The following CHD1 variants were observed in gnomAD, a reference collection of about 807,000 sequenced individuals.
The protein encoded by CHD1 is ATP-dependent chromatin remodeler CHD1.
Under a neutral mutation model 224.2 loss-of-function variants are expected in CHD1, and 36 were observed. That is an observed-to-expected ratio of 0.16 (90% CI 0.12 to 0.21). CHD1 has a LOEUF of 0.21. CHD1 is among the 10% of genes least tolerant of loss of function. CHD1 has a pLI of 1.00. For synonymous variants in CHD1, 668 were observed against 658.3 expected, an observed-to-expected ratio of 1.01 and a Z score of -0.23; for missense variants, 1,378 against 1,994.8, an observed-to-expected ratio of 0.69 and a Z score of 5.89.
chr5:98,868,779 GT>G lies in CHD1; in HGVS notation c.4108-145del, dbSNP rs929667824. The G allele has an allele frequency of 1.2e-5, 10 of 835,612 alleles. No individual in the cohort carries two copies. In the African/African-American group the frequency reaches 1.4e-4, roughly 12 times the overall value. The allele number at this position is 835,612 out of a possible 1,614,324, so 51.8% of individuals were successfully genotyped here. On this transcript the variant is annotated intron_variant, in intron 30 of 35. Coordinates refer to ENST00000614616, the MANE Select transcript of CHD1 (RefSeq NM_001270.4). ...TGAATATCCTCATCTATTTTAATTT[GT>G]TTTTTTCCCCAATTTTATTTGGGGA... is the stretch of plus-strand genomic sequence containing the variant.
Position 98,888,207 on chromosome 5 carries a change from G to C in CHD1, c.2377C>G (p.Leu793Val), listed in dbSNP as rs1750779203. The C allele has an allele frequency of 2.5e-6, 4 of 1,609,920 alleles. No homozygotes were observed. The highest frequency in any genetic ancestry group is 3.4e-6 in the Non-Finnish European group (4 of 1,178,112). ...CTTAGGCGAATTAATAGCTTGTCAA[G>C]AAGAATCAATTTTCCGCTACTACGA... ...LIRSSGKLIL[L>V]DKLLIRLRER... The change falls in exon 17 of 36, where the codon CTT becomes GTT. Residue 793 changes from leucine to valine, a missense_variant. By Grantham distance (32) the Leu-to-Val change is conservative. This residue lies in a region of CHD1 where 58 missense variants were observed against 90.0 expected (regional missense o/e 0.64). Transcript: ENST00000614616.
intron 31 of CHD1, among the ~76,000 whole-genome samples, chr5:98,864,731 CCTCT>C (rs1231103931): frequency 6.6e-6 from 1 of 151,852 alleles, no homozygotes. Context: ...CTTTGAAGGA[CCTCT>C]CTTATTATAA....
intron 2 of CHD1, among the ~76,000 whole-genome samples, chr5:98,909,236 T>C (rs1353293159): frequency 6.6e-6 from 1 of 152,206 alleles, no homozygotes; most frequent in African/African-American, 2.4e-5. Context: ...CTCTTCTGCT[T>C]TCCAGATTTT....
chr5:98,914,003 C>T (rs1752590426), intron 2 of CHD1, among the ~76,000 whole-genome samples: 1 of 151,898 alleles, frequency 6.6e-6, no homozygotes, highest in Non-Finnish European at 1.5e-5. Flanking sequence ...TTTTGTTTGT[C>T]CTCTAGTAAA....
intron 35 of CHD1, among the ~76,000 whole-genome samples, 153 bp downstream of exon 35, chr5:98,858,027 T>C (rs1339973254): frequency 6.6e-6 from 1 of 152,118 alleles, no homozygotes. Context: ...TTAAAATATA[T>C]ACATTTTTCT....
Position 98,868,562 on chromosome 5 carries a change from G to A in CHD1, c.4181C>T (p.Thr1394Met), listed in dbSNP as rs571604064. 4 of 1,612,562 alleles carry A rather than the reference G, an allele frequency of 2.5e-6. No individual in the cohort carries two copies. Among genetic ancestry groups the A allele is most frequent in the Non-Finnish European group, 3.4e-6 (4 of 1,179,536 alleles). The change falls in exon 31 of 36, where the codon ACG becomes ATG. Residue 1394 changes from threonine (T) to methionine (M), a missense_variant. By Grantham distance (81) the Thr-to-Met change is moderately conservative (BLOSUM62 -1). This residue lies in a region of CHD1 where 105 missense variants were observed against 93.4 expected (regional missense o/e 1.12). Coordinates refer to ENST00000614616, the MANE Select transcript of CHD1 (RefSeq NM_001270.4). ...AATGGGAACTGGTTCACCACTTGCC[G>A]TGATATGAACTGGAGCATCTGACAC... ...SSVSDAPVHI[T>M]ASGEPVPISE...
chr5:98,897,085 A>T (rs1367907802), intron 11 of CHD1, 108 bp downstream of exon 11: 1 of 1,041,608 alleles, frequency 9.6e-7, no homozygotes, highest in Non-Finnish European at 1.4e-6. Flanking sequence ...ACTAGCATAT[A>T]AACTGCCAAA....
chr5:98,867,686 TA>T (rs1457830451), intron 31 of CHD1, among the ~76,000 whole-genome samples: 82 of 152,178 alleles, frequency 5.4e-4, no homozygotes, highest in African/African-American at 1.9e-3. Flanking sequence ...AAGTCTTTAT[TA>T]AAAAGTCTTT....
intron 26 of CHD1, among the ~76,000 whole-genome samples, chr5:98,872,789 T>C (rs1393262253): frequency 6.6e-6 from 1 of 152,160 alleles, no homozygotes; most frequent in Non-Finnish European, 1.5e-5. Flanking sequence ...TTACATAAGA[T>C]GGATCAATCT....
chr5:98,924,773 C>T (rs893307858), intron 2 of CHD1, among the ~76,000 whole-genome samples: 1 of 152,002 alleles, frequency 6.6e-6, no homozygotes, highest in Non-Finnish European at 1.5e-5. Context: ...GCCAGGAGTT[C>T]GAGACCAGCC....
chr5:98,917,585 G>C (rs543431929), intron 2 of CHD1, among the ~76,000 whole-genome samples: 2 of 152,274 alleles, frequency 1.3e-5, no homozygotes, highest in South Asian at 4.1e-4. Context: ...AACAACAGTG[G>C]AACTGAGAAA....
intron 18 of CHD1, among the ~76,000 whole-genome samples, chr5:98,884,096 C>T (rs1185050683): frequency 4.2e-5 from 6 of 144,476 alleles, no homozygotes; most frequent in African/African-American, 1.5e-4. Context: ...TTTTTTGAGA[C>T]GGAGTCTCGC....
chr5:98,867,036 T>G (rs925105189), intron 31 of CHD1, among the ~76,000 whole-genome samples: 2 of 152,178 alleles, frequency 1.3e-5, no homozygotes, highest in Non-Finnish European at 1.5e-5. Flanking sequence ...ATTCATTTAA[T>G]CTTCATACTT....
Position 98,893,615 on chromosome 5 carries a change from A to G in CHD1, c.1801-9T>C. On this transcript the variant is annotated splice_polypyrimidine_tract_variant and intron_variant, in intron 13 of 35. Transcript: ENST00000614616. ...AGACCTCCAAGGAATGCCTTAAAAT[A>G]ATAGAAAAACAGTATTTTGAGAGAA... is the stretch of plus-strand genomic sequence containing the variant. The G allele has an allele frequency of 6.5e-7, 1 of 1,534,150 alleles. No individual in the cohort carries two copies. The highest frequency in any genetic ancestry group is 8.8e-7 in the Non-Finnish European group (1 of 1,138,648).
chr5:98,904,663 T>C (rs1751934563), intron 3 of CHD1, among the ~76,000 whole-genome samples: 1 of 152,194 alleles, frequency 6.6e-6, no homozygotes, highest in Non-Finnish European at 1.5e-5. Context: ...CAGAAAACGT[T>C]TTATTTGCCT....
intron 16 of CHD1, 28 bp downstream of exon 16, chr5:98,889,048 C>A: frequency 2.7e-6 from 4 of 1,474,390 alleles, no homozygotes; most frequent in Admixed American, 1.9e-5. Context: ...AACTTTATCA[C>A]AAAGAAACAA....
rs1391046650 is a variant in CHD1, at chr5:98,873,618, A to G, written c.3546T>C (p.Asp1182=). 6.2e-6 allele frequency: 10 copies of G among 1,605,078 alleles called. No homozygotes were observed. Among genetic ancestry groups the G allele is most frequent in the Non-Finnish European group, 7.6e-6 (9 of 1,176,682 alleles). ...VHNGCIKALK[D]SSSGTERTGG... is the part of the protein sequence containing the mutation. ...CTGTTCGTTCTGTTCCTGAAGAACTATCCTTTAATGCTTTAATGCAACCAT... is the reference window on the plus strand; with the variant it reads ...CTGTTCGTTCTGTTCCTGAAGAACTGTCCTTTAATGCTTTAATGCAACCAT... Residue 1182 remains aspartate, a synonymous_variant, in exon 26 of 36, where the codon GAT becomes GAC. Coordinates refer to ENST00000614616, the MANE Select transcript of CHD1 (RefSeq NM_001270.4).
At position 98,899,693 on chromosome 5, in the gene CHD1, G is replaced by A. The variant is rs201024756; in HGVS notation, c.872C>T (p.Thr291Ile). 4 of 1,610,822 alleles carry A rather than the reference G, an allele frequency of 2.5e-6. No individual in the cohort carries two copies. In the South Asian group the frequency reaches 4.4e-5, roughly 18 times the overall value. ...RIGRKGATGA[T>I]TTIYAVEADG... is the part of the protein sequence containing the mutation. Reference sequence around the variant, plus strand: ...TGCTTCAACTGCATAGATGGTTGTAGTAGCACCAGTAGCTGAAAACAAAAG... The same window carrying A: ...TGCTTCAACTGCATAGATGGTTGTAATAGCACCAGTAGCTGAAAACAAAAG... Residue 291 changes from threonine (T) to isoleucine (I), a missense_variant, in exon 8 of 36, where the codon ACT (threonine) becomes ATT (isoleucine). Around this residue, in one of 16 missense-constraint regions of CHD1, gnomAD observed 40 missense variants for 60.0 expected, o/e 0.67. Coordinates refer to ENST00000614616, the MANE Select transcript of CHD1 (RefSeq NM_001270.4).
chr5:98,866,821 A>C (rs162143), intron 31 of CHD1, among the ~76,000 whole-genome samples: 8,133 of 152,186 alleles, frequency 0.053, 715 homozygotes, highest in African/African-American at 0.19. Flanking sequence ...AGTTAAAGCC[A>C]AACTACATTA....
Sources: gnomAD v4.1 joint callset for allele counts (sites outside exome capture counted in the v4.1 genomes callset) on GRCh38, gnomAD v4.1.1 for gene constraint, gnomAD v4.1.1 regional missense constraint, MANE v1.5 for transcripts, NCBI Gene and HGNC (gene_info 2026-07-23, HGNC 2026-07-21) for gene names.